PAPPA2: variants seen among roughly 807,000 people sequenced by gnomAD.
PAPPA2 encodes pappalysin 2, also known as pappalysin-2.
In PAPPA2, 86 loss-of-function variants were observed where a neutral mutation model predicts 176.4. The ratio of observed to expected loss-of-function variants is 0.49; its 90% confidence interval spans 0.41 to 0.58. The LOEUF (loss-of-function observed/expected upper bound fraction) is 0.58, where lower values mean the gene tolerates loss of function less well. Ranked by LOEUF, PAPPA2 falls within the 20% of genes least tolerant of loss-of-function variation. The pLI is 0.00. For synonymous variants in PAPPA2, 809 were observed against 852.2 expected (o/e 0.95, Z 0.88); for missense variants, 2,073 against 2,256.9 (o/e 0.92, Z 1.65).
intron 6 of PAPPA2, among the ~76,000 whole-genome samples, chr1:176,693,542 C>A (rs988249639): frequency 1.3e-5 from 2 of 152,232 alleles, no homozygotes; most frequent in African/African-American, 4.8e-5. Flanking sequence ...CCGTGCCCTT[C>A]AGCTTTGCTG....
chr1:176,710,349 G>A lies in PAPPA2; in HGVS notation c.3651+173G>A, dbSNP rs529516270. Among the ~76,000 whole-genome samples, 9 of 152,240 alleles carry A rather than the reference G, an allele frequency of 5.9e-5. No individual in the cohort carries two copies. The East Asian group carries it at 1.7e-3, about 29-fold the overall frequency. On this transcript the variant is annotated intron_variant, in intron 11 of 22. Transcript: ENST00000367662. ...TTGCTATTACAATTACATGATGTTG[G>A]ACAAGTCACTTAACCTCTCTGGGCC...
At chr1:176,722,559 A>G (rs1307037916) in intron 12 of PAPPA2, among the ~76,000 whole-genome samples, 2 of 151,910 alleles carry the variant, frequency 1.3e-5, no homozygotes, top group Non-Finnish European at 2.9e-5. Flanking sequence ...TGTGTCTGCT[A>G]AAAACTCTTC....
chr1:176,602,687 G>A (rs1299058731), intron 3 of PAPPA2, among the ~76,000 whole-genome samples: 2 of 152,018 alleles, frequency 1.3e-5, no homozygotes, highest in African/African-American at 4.8e-5. Context: ...GAAAAGAAGT[G>A]GAGGAGAAAT....
chr1:176,842,524 CA>C lies in PAPPA2; in HGVS notation c.*73del. The C allele has an allele frequency of 7.4e-7, 1 of 1,346,420 alleles. No homozygotes were observed. The highest frequency in any genetic ancestry group is 2.3e-5 in the East Asian group (1 of 42,900). 83.4% of individuals were successfully genotyped at this position (1,346,420 alleles called of 1,614,324 possible). A position where few individuals can be genotyped will look rare whatever the true frequency, so the allele number is the denominator to read the frequency against. ...AAAGAGAGGCCGACCCAGGAGGAAA[CA>C]AAGGGTGAATGAAGAAGAACAATCA... On this transcript the variant is annotated 3_prime_UTR_variant, in exon 23 of 23. Transcript: ENST00000367662.
intron 1 of PAPPA2, among the ~76,000 whole-genome samples, chr1:176,536,646 A>C (rs1650078434): frequency 6.6e-6 from 1 of 152,204 alleles, no homozygotes; most frequent in Admixed American, 6.5e-5. Context: ...CTCATTCTCC[A>C]GCAGGTTAAC....
intron 1 of PAPPA2, among the ~76,000 whole-genome samples, chr1:176,471,135 A>T (rs567832904): frequency 1.8e-4 from 28 of 152,284 alleles, no homozygotes; most frequent in Non-Finnish European, 3.8e-4. Context: ...AAGAACCCAT[A>T]TGGGAGAAGT....
At chr1:176,826,830 G>C (rs1463943609) in intron 21 of PAPPA2, among the ~76,000 whole-genome samples, 1 of 152,168 alleles carries the variant, frequency 6.6e-6, no homozygotes, top group Non-Finnish European at 1.5e-5. Flanking sequence ...CTAGACCTGT[G>C]TTTACATATA....
intron 21 of PAPPA2, among the ~76,000 whole-genome samples, chr1:176,831,886 T>G (rs1481900906): frequency 3.9e-5 from 6 of 152,154 alleles, no homozygotes; most frequent in African/African-American, 1.4e-4. Flanking sequence ...AATTAGACCA[T>G]TTCTTTTCTG....
chr1:176,607,005 A>G (rs1654653485), intron 3 of PAPPA2, among the ~76,000 whole-genome samples: 1 of 152,198 alleles, frequency 6.6e-6, no homozygotes, highest in Non-Finnish European at 1.5e-5. Context: ...CATAAATGAT[A>G]TATGGATATA....
intron 21 of PAPPA2, among the ~76,000 whole-genome samples, chr1:176,833,565 T>A (rs899989885): frequency 6.6e-6 from 1 of 152,192 alleles, no homozygotes; most frequent in Admixed American, 6.5e-5. Context: ...TCTTTGTTTT[T>A]GGCCTTTGGG....
At chr1:176,561,216 A>T (rs906848046) in intron 2 of PAPPA2, among the ~76,000 whole-genome samples, 1 of 152,214 alleles carries the variant, frequency 6.6e-6, no homozygotes, top group African/African-American at 2.4e-5. Flanking sequence ...TATACAAAAT[A>T]TCATTCCATT....
chr1:176,600,265 A>T lies in PAPPA2; in HGVS notation c.1991+4670A>T, dbSNP rs555701646. Among the ~76,000 whole-genome samples the T allele has an allele frequency of 9.2e-5, 14 of 152,286 alleles. No homozygotes were observed. The East Asian group carries it at 1.7e-3, about 19-fold the overall frequency. On this transcript the variant is annotated intron_variant, in intron 3 of 22. Coordinates refer to ENST00000367662, the MANE Select transcript of PAPPA2 (RefSeq NM_020318.3). ...TCTTTGTCATGGTTTAGATTGCCTGAAAGGACTTTTGATTCATAGAGATAT... is the reference window on the plus strand; with the variant it reads ...TCTTTGTCATGGTTTAGATTGCCTGTAAGGACTTTTGATTCATAGAGATAT...
intron 3 of PAPPA2, among the ~76,000 whole-genome samples, chr1:176,630,423 G>A (rs960155115): frequency 6.6e-6 from 1 of 152,170 alleles, no homozygotes; most frequent in African/African-American, 2.4e-5. Flanking sequence ...TTTGGGAAAA[G>A]GCTGATGATG....
At chr1:176,655,372 C>T (rs536606508) in intron 3 of PAPPA2, among the ~76,000 whole-genome samples, 3 of 151,838 alleles carry the variant, frequency 2.0e-5, no homozygotes, top group Admixed American at 6.6e-5. Flanking sequence ...GTTAACTATT[C>T]ATCTGACAGG....
chr1:176,779,746 T>C (rs1425778809), intron 17 of PAPPA2, among the ~76,000 whole-genome samples: 1 of 152,208 alleles, frequency 6.6e-6, no homozygotes, highest in African/African-American at 2.4e-5. Flanking sequence ...GTGATTTTTT[T>C]AAAGTTAGAG....
At chr1:176,570,111 G>A (rs10913205) in intron 2 of PAPPA2, among the ~76,000 whole-genome samples, 7 of 152,060 alleles carry the variant, frequency 4.6e-5, no homozygotes, top group South Asian at 4.2e-4. Context: ...TAGAACTTTC[G>A]TTTTGTGCAC....
intron 1 of PAPPA2, among the ~76,000 whole-genome samples, chr1:176,499,831 T>C (rs2102506666): frequency 6.6e-6 from 1 of 152,336 alleles, no homozygotes; most frequent in East Asian, 1.9e-4. Context: ...CTTTTGGGGT[T>C]GTGAGTAGCT....
In PAPPA2 at chr1:176,692,923, CTCTT is replaced by C. The variant is rs550511722; in HGVS notation, c.2624+607_2624+610del. 6.1e-3 allele frequency among the ~76,000 whole-genome samples: 935 copies of C among 152,304 alleles called. 12 individuals carry two copies. Among genetic ancestry groups the C allele is most frequent in the African/African-American group, 0.021 (877 of 41,574 alleles). On this transcript the variant is annotated intron_variant, in intron 6 of 22. Coordinates refer to ENST00000367662, the MANE Select transcript of PAPPA2 (RefSeq NM_020318.3). ...TGGGGGAGGCAGGATGATTTTTTGTCTCTTTGTCTCTTGCCCTGCCACAACAGAC... is the reference window on the plus strand; with the variant it reads ...TGGGGGAGGCAGGATGATTTTTTGTCTGTCTCTTGCCCTGCCACAACAGAC...
At chr1:176,490,437 T>G (rs1203575659) in intron 1 of PAPPA2, among the ~76,000 whole-genome samples, 2 of 152,120 alleles carry the variant, frequency 1.3e-5, no homozygotes, top group Non-Finnish European at 2.9e-5. Context: ...TTGCTGAAGC[T>G]CCACAACAAA....
Sources: allele counts gnomAD v4.1 joint callset (sites outside exome capture counted in the v4.1 genomes callset), GRCh38; gene constraint gnomAD v4.1.1; transcripts MANE v1.5; gene names NCBI Gene and HGNC (gene_info 2026-07-23, HGNC 2026-07-21).